Variants in ESR2 observed in about 807,000 individuals in gnomAD.
ESR2 encodes the protein estrogen receptor 2, also known as estrogen receptor beta.
ESR2 carries 36 observed loss-of-function variants against 49.6 expected under a neutral mutation model. That is an observed-to-expected ratio of 0.73 (90% CI 0.56 to 0.96). The LOEUF (loss-of-function observed/expected upper bound fraction) is 0.96. Among genes scored for constraint, ESR2 ranks in the 40% least tolerant of loss-of-function variants. ESR2 has a pLI of 0.00. For missense variants in ESR2, 714 were observed against 693.0 expected, an observed-to-expected ratio of 1.03 and a Z score of -0.34; for synonymous variants, 320 against 266.1, an observed-to-expected ratio of 1.20 and a Z score of -1.97.
chr14:64,329,682 T>G (rs2077431670), intron 1 of ESR2: 1 of 152,144 alleles, frequency 6.6e-6, no homozygotes, highest in African/African-American at 2.4e-5. Context: ...TACAAACAGC[T>G]TAGATACATA....
intron 1 of ESR2, among the ~76,000 whole-genome samples, chr14:64,331,308 A>T (rs1043753573): frequency 6.6e-6 from 1 of 152,398 alleles, no homozygotes; most frequent in African/African-American, 2.4e-5. Context: ...TTCAATAGAA[A>T]GATAAAAATC....
chr14:64,323,998 A>G (rs1041839281), intron 1 of ESR2, among the ~76,000 whole-genome samples: 2 of 152,160 alleles, frequency 1.3e-5, no homozygotes, highest in African/African-American at 4.8e-5. Context: ...AGCCAGTCCT[A>G]TATGTTTGTA....
intron 1 of ESR2, among the ~76,000 whole-genome samples, chr14:64,307,016 A>G (rs578252096): frequency 6.6e-6 from 1 of 152,178 alleles, no homozygotes; most frequent in East Asian, 1.9e-4. Flanking sequence ...GGTTTTTTTC[A>G]AGGGGTTTGT....
chr14:64,227,431 C>A, downstream of ESR2: 3 of 1,364,180 alleles, frequency 2.2e-6, no homozygotes, highest in Non-Finnish European at 3.0e-6. Flanking sequence ...TTAACTCTTT[C>A]TTTAAAATTA....
At chr14:64,228,170 C>T, downstream of ESR2, 1 of 742,970 alleles carries the variant, frequency 1.3e-6, no homozygotes, top group Non-Finnish European at 1.9e-6. Flanking sequence ...CATTTGTGTT[C>T]AGGTGCCCTT....
intron 1 of ESR2, chr14:64,332,101 T>G (rs1309528963): frequency 6.6e-6 from 1 of 152,242 alleles, no homozygotes; most frequent in East Asian, 1.9e-4. Flanking sequence ...TCAGCTATTA[T>G]ACATCCAGCT....
At chr14:64,302,160 T>TTTTTTTTA (rs1555593263) in intron 1 of ESR2, among the ~76,000 whole-genome samples, 255 of 138,202 alleles carry the variant, frequency 1.8e-3, no homozygotes, top group African/African-American at 2.7e-3. Flanking sequence ...TATTTTTTAT[T>TTTTTTTTA]TTTATTTATT....
chr14:64,234,459 T>G (rs969452513), intron 8 of ESR2: 1 of 160,116 alleles, frequency 6.2e-6, no homozygotes, highest in African/African-American at 2.4e-5. Flanking sequence ...CCTACAGCCC[T>G]GCCTTCCTAA....
At chr14:64,305,714 C>A (rs1026966567) in intron 1 of ESR2, among the ~76,000 whole-genome samples, 1 of 151,800 alleles carries the variant, frequency 6.6e-6, no homozygotes, top group African/African-American at 2.4e-5. Context: ...ATATAAAATG[C>A]TTTATACAAA....
chr14:64,235,134 G>A lies in ESR2; in HGVS notation c.1242C>T (p.Val414=). The change falls in exon 8 of 9, where the codon GTC becomes GTT. Residue 414 remains valine, a synonymous_variant. Transcript: ENST00000341099. ...ILLNSSMYPL[V]TATQDADSSR... ...TGCTGTCAGCATCCTGGGTCGCTGTGACCAGAGGGTACATACCTGGACAAA... is the reference window on the plus strand; with the variant it reads ...TGCTGTCAGCATCCTGGGTCGCTGTAACCAGAGGGTACATACCTGGACAAA... 1 of 1,613,730 alleles carries A rather than the reference G, an allele frequency of 6.2e-7. No individual in the cohort carries two copies.
chr14:64,235,857 A>C (rs2075586298), intron 7 of ESR2, among the ~76,000 whole-genome samples: 1 of 151,724 alleles, frequency 6.6e-6, no homozygotes, highest in Admixed American at 6.6e-5. Flanking sequence ...CCTGTGTTTA[A>C]CTCCCCTCCA....
At position 64,230,197 on chromosome 14, in the gene ESR2, CAAA is replaced by C. The variant is rs34313437; in HGVS notation, c.*2937_*2939del. On this transcript the variant is annotated 3_prime_UTR_variant, in exon 9 of 9. Transcript: ENST00000341099. ...GAGCAACAGGAGTCAGACCCTGTCT[CAAA>C]AAAAAAAAAAAAAAGGTGTCAAATC... 2.9e-4 allele frequency among the ~76,000 whole-genome samples: 32 copies of C among 110,308 alleles called. No homozygotes were observed. Among genetic ancestry groups the C allele is most frequent in the Admixed American group, 3.8e-4 (4 of 10,470 alleles). The allele number at this position is 110,308 out of a possible 152,430, so 72.4% of individuals were successfully genotyped here.
chr14:64,336,576 C>T (rs1392513025), intron 1 of ESR2: 1 of 151,974 alleles, frequency 6.6e-6, no homozygotes, highest in Admixed American at 6.6e-5. Context: ...TTCAATCTTC[C>T]CTCCTGTTTC....
intron 7 of ESR2, among the ~76,000 whole-genome samples, chr14:64,244,597 C>T (rs907014818): frequency 6.6e-6 from 1 of 152,150 alleles, no homozygotes; most frequent in African/African-American, 2.4e-5. Flanking sequence ...AGCCTCCAGA[C>T]CCTGGGACTC....
chr14:64,235,798 G>A (rs2075584463), intron 7 of ESR2, among the ~76,000 whole-genome samples: 1 of 152,082 alleles, frequency 6.6e-6, no homozygotes, highest in South Asian at 2.1e-4. Context: ...ATCTGCTTAG[G>A]TCCCCACAGC....
chr14:64,283,241 T>A (rs2076717794), intron 1 of ESR2, among the ~76,000 whole-genome samples, 166 bp from the exon 2 acceptor site: 1 of 152,154 alleles, frequency 6.6e-6, no homozygotes, highest in Non-Finnish European at 1.5e-5. Context: ...ATGTGAGGCA[T>A]GAAACTCACA....
Position 64,260,449 on chromosome 14 carries a change from C to G in ESR2, c.952G>C (p.Gly318Arg). ...HMISWAKKIP[G>R]FVELSLFDQV... ...AAAACTGATAGCCAGAAAGCCCTAC[C>G]GGGAATCTTCTTGGCCCAGCTGATC... Residue 318 changes from glycine to arginine, a missense_variant and splice_region_variant, in exon 5 of 9, where the codon GGC becomes CGC. By Grantham distance (125) the Gly-to-Arg change is moderately radical (BLOSUM62 -2). Transcript: ENST00000341099. 4 of 1,522,628 alleles carry G rather than the reference C, an allele frequency of 2.6e-6. No individual in the cohort carries two copies. The South Asian group carries it at 5.3e-5, about 20-fold the overall frequency. The allele number at this position is 1,522,628 out of a possible 1,614,324, so 94.3% of individuals were successfully genotyped here.
chr14:64,235,290 G>A, intron 7 of ESR2, 140 bp from the exon 8 acceptor site: 1 of 812,368 alleles, frequency 1.2e-6, no homozygotes, highest in Non-Finnish European at 1.9e-6. Flanking sequence ...TATAAGCATG[G>A]TCTTACCTCC....
chr14:64,293,132 G>T (rs1246359402), intron 1 of ESR2, among the ~76,000 whole-genome samples: 1 of 152,114 alleles, frequency 6.6e-6, no homozygotes, highest in East Asian at 1.9e-4. Flanking sequence ...GAAAAAATAG[G>T]AGTCAAAGAT....
Sources: allele counts gnomAD v4.1 joint callset (sites outside exome capture counted in the v4.1 genomes callset), GRCh38; gene constraint gnomAD v4.1.1; transcripts MANE v1.5; gene names NCBI Gene and HGNC (gene_info 2026-07-23, HGNC 2026-07-21).